CPEB1: variants seen among roughly 807,000 people sequenced by gnomAD.
CPEB1 encodes the protein cytoplasmic polyadenylation element-binding protein 1.
CPEB1 carries 7 observed loss-of-function variants against 65.8 expected under a neutral mutation model. The ratio of observed to expected loss-of-function variants is 0.11; its 90% CI spans 0.06 to 0.20. The LOEUF is 0.20. CPEB1 is among the 10% of genes least tolerant of loss of function. The pLI is 1.00. For missense variants in CPEB1, 551 were observed against 712.2 expected (o/e 0.77, Z 2.58); for synonymous variants, 262 against 260.0 (o/e 1.01, Z -0.08).
intron 10 of CPEB1, chr15:82,548,822 T>C: frequency 2.6e-6 from 1 of 386,430 alleles, no homozygotes; most frequent in South Asian, 1.8e-5. Context: ...GTGTGAAGAC[T>C]AAGCATTTGG....
At chr15:82,602,778 G>A (rs752863095) in intron 3 of CPEB1, among the ~76,000 whole-genome samples, 1 of 152,112 alleles carries the variant, frequency 6.6e-6, no homozygotes, top group Non-Finnish European at 1.5e-5. Flanking sequence ...CCCGGGAGGC[G>A]GAGGTTACAG....
At chr15:82,604,967 G>A (rs896727128) in intron 3 of CPEB1, among the ~76,000 whole-genome samples, 2 of 152,162 alleles carry the variant, frequency 1.3e-5, no homozygotes, top group Non-Finnish European at 2.9e-5. Context: ...TCAAAAGCCG[G>A]AGACATAGAA....
At chr15:82,621,631 A>AG (rs2151295712) in intron 3 of CPEB1, among the ~76,000 whole-genome samples, 1 of 152,042 alleles carries the variant, frequency 6.6e-6, no homozygotes, top group South Asian at 2.1e-4. Flanking sequence ...AAAAAAAAAA[A>AG]AAAAATCTAA....
intron 4 of CPEB1, among the ~76,000 whole-genome samples, chr15:82,558,589 TG>T: frequency 6.6e-6 from 1 of 152,238 alleles, no homozygotes; most frequent in Non-Finnish European, 1.5e-5. Flanking sequence ...GCCCATTCTT[TG>T]ACTTAAACTT....
intron 1 of CPEB1, among the ~76,000 whole-genome samples, chr15:82,630,524 T>A (rs1380150567): frequency 6.6e-6 from 1 of 152,020 alleles, no homozygotes; most frequent in Non-Finnish European, 1.5e-5. Context: ...GAGGAATGCT[T>A]GAACCCAGGA....
chr15:82,547,288 A>AATTTT, intron 10 of CPEB1, 51 bp from the exon 11 acceptor site: 1 of 642,702 alleles, frequency 1.6e-6, no homozygotes, highest in Non-Finnish European at 2.3e-6. Flanking sequence ...CCCAAATGCT[A>AATTTT]CTTTTTTTTT....
intron 3 of CPEB1, among the ~76,000 whole-genome samples, chr15:82,606,065 T>C (rs945695487): frequency 6.6e-6 from 1 of 152,070 alleles, no homozygotes; most frequent in African/African-American, 2.4e-5. Flanking sequence ...TTGTAATACA[T>C]TAACAGCACA....
chr15:82,631,506 C>A (rs941936516), intron 1 of CPEB1, among the ~76,000 whole-genome samples: 3 of 152,080 alleles, frequency 2.0e-5, no homozygotes, highest in Non-Finnish European at 4.4e-5. Flanking sequence ...AAAAGTAATA[C>A]TATCTCATAA....
chr15:82,588,658 T>TA (rs1953144094), intron 3 of CPEB1, among the ~76,000 whole-genome samples: 1 of 152,222 alleles, frequency 6.6e-6, no homozygotes, highest in South Asian at 2.1e-4. Flanking sequence ...GATCTTGACT[T>TA]ACTTGGGCAA....
intron 5 of CPEB1, among the ~76,000 whole-genome samples, chr15:82,557,211 T>C (rs2037364962): frequency 6.6e-6 from 1 of 152,144 alleles, no homozygotes; most frequent in Non-Finnish European, 1.5e-5. Flanking sequence ...GAACGTGAAA[T>C]GCAAAAATTA....
At chr15:82,596,002 G>A (rs2042636618) in intron 3 of CPEB1, among the ~76,000 whole-genome samples, 1 of 152,210 alleles carries the variant, frequency 6.6e-6, no homozygotes, top group African/African-American at 2.4e-5. Flanking sequence ...CCATGGGAAT[G>A]CAGTCAGTAA....
At chr15:82,617,037 T>C (rs527962376) in intron 3 of CPEB1, among the ~76,000 whole-genome samples, 1 of 152,312 alleles carries the variant, frequency 6.6e-6, no homozygotes, top group South Asian at 2.1e-4. Context: ...CCCAAAAGTT[T>C]AATACCCTTT....
intron 3 of CPEB1, among the ~76,000 whole-genome samples, chr15:82,593,847 C>T (rs1181726501): frequency 2.0e-5 from 3 of 152,158 alleles, no homozygotes; most frequent in Non-Finnish European, 2.9e-5. Flanking sequence ...CTCGAGTGAC[C>T]AAGTGCATTG....
At chr15:82,620,818 G>C (rs2045236092) in intron 3 of CPEB1, among the ~76,000 whole-genome samples, 1 of 152,082 alleles carries the variant, frequency 6.6e-6, no homozygotes, top group Non-Finnish European at 1.5e-5. Flanking sequence ...TAAAAATTTA[G>C]CATAACAAGT....
intron 3 of CPEB1, chr15:82,571,860 A>C: frequency 9.2e-7 from 1 of 1,087,488 alleles, no homozygotes; most frequent in Non-Finnish European, 1.1e-6. Context: ...TCCCTCACAG[A>C]ACGGGGGAGG....
chr15:82,569,623 G>T (rs1401188851), intron 4 of CPEB1, among the ~76,000 whole-genome samples: 1 of 152,216 alleles, frequency 6.6e-6, no homozygotes, highest in African/African-American at 2.4e-5. Flanking sequence ...ACTTTTAATA[G>T]CTCAATTTCA....
intron 1 of CPEB1, among the ~76,000 whole-genome samples, chr15:82,644,993 T>A (rs1465211396): frequency 6.6e-6 from 1 of 152,212 alleles, no homozygotes; most frequent in African/African-American, 2.4e-5. Context: ...CAAACGCCTA[T>A]GGCCTAACCC....
intron 1 of CPEB1, chr15:82,629,484 A>C (rs1273481048): frequency 5.1e-6 from 5 of 985,140 alleles, no homozygotes; most frequent in African/African-American, 1.7e-5. Context: ...ACCCTTACAC[A>C]AAAACTATTC....
At chr15:82,613,546 C>T (rs973364656) in intron 3 of CPEB1, among the ~76,000 whole-genome samples, 1 of 152,024 alleles carries the variant, frequency 6.6e-6, no homozygotes, top group African/African-American at 2.4e-5. Flanking sequence ...CCACCACACC[C>T]GGCTTTTCAT....
Sources: allele counts gnomAD v4.1 joint callset (sites outside exome capture counted in the v4.1 genomes callset), GRCh38; gene constraint gnomAD v4.1.1; transcripts MANE v1.5; gene names NCBI Gene and HGNC (gene_info 2026-07-23, HGNC 2026-07-21).